Variants in ERICH6 observed in about 807,000 individuals in gnomAD.
ERICH6 encodes glutamate-rich protein 6.
In ERICH6, 71 loss-of-function variants were observed where a neutral mutation model predicts 71.0. The ratio of observed to expected loss-of-function variants is 1.00; its 90% confidence interval spans 0.83 to 1.22. The LOEUF (loss-of-function observed/expected upper bound fraction) is 1.22, where lower values mean the gene tolerates loss of function less well. Among genes scored for constraint, ERICH6 ranks in the 50% most tolerant of loss-of-function variants. The pLI, the probability that ERICH6 is intolerant of heterozygous loss-of-function variation, is 0.00. For synonymous variants in ERICH6, 262 were observed against 278.4 expected (o/e 0.94, Z 0.59); for missense variants, 808 against 797.2 (o/e 1.01, Z -0.16).
chr3:150,701,215 G>A (rs1005938420), intron 2 of ERICH6, among the ~76,000 whole-genome samples: 4 of 152,114 alleles, frequency 2.6e-5, no homozygotes, highest in Admixed American at 6.5e-5. Context: ...TTTCATTATA[G>A]TCAATAGATA....
chr3:150,664,513 TG>T (rs910273653), intron 13 of ERICH6, among the ~76,000 whole-genome samples: 17 of 151,908 alleles, frequency 1.1e-4, no homozygotes, highest in African/African-American at 3.6e-4. Context: ...CTGAGTGTGG[TG>T]GTGCACGCCT....
chr3:150,665,897 A>T (rs1727398540), intron 13 of ERICH6, among the ~76,000 whole-genome samples: 2 of 151,964 alleles, frequency 1.3e-5, no homozygotes, highest in South Asian at 4.1e-4. Context: ...TCAAAGTCAC[A>T]CACTATATGT....
intron 11 of ERICH6, among the ~76,000 whole-genome samples, chr3:150,672,627 TTTTTCTTTTTTTATTTTTCTC>T: frequency 6.7e-6 from 1 of 149,662 alleles, no homozygotes. Flanking sequence ...TATATTTTTC[TTTTTCTTTTTTTATTTTTCTC>T]TTTTCTTTTT....
At chr3:150,681,407 G>C (rs73152546) in intron 7 of ERICH6, among the ~76,000 whole-genome samples, 12 of 152,052 alleles carry the variant, frequency 7.9e-5, no homozygotes, top group Admixed American at 2.0e-4. Context: ...ATAATAGTTC[G>C]TGGTATGGAT....
intron 13 of ERICH6, among the ~76,000 whole-genome samples, chr3:150,662,348 C>G (rs750576583): frequency 1.3e-5 from 2 of 152,100 alleles, no homozygotes; most frequent in Non-Finnish European, 2.9e-5. Flanking sequence ...AAACAATGAA[C>G]AAGTTCACAA....
intron 11 of ERICH6, 41 bp from the exon 12 acceptor site, chr3:150,669,492 T>G: frequency 6.3e-7 from 1 of 1,591,676 alleles, no homozygotes; most frequent in South Asian, 1.2e-5. Context: ...CTAATGCTCC[T>G]TGACTATTCT....
Position 150,703,684 on chromosome 3 carries a change from G to C in ERICH6, c.215C>G (p.Thr72Arg). ...CTTCCAGAGGTACTCTTCGCTGAAC[G>C]TCTCAGGGGCCTCCAACTCCTGCTC... ...GEEQELEAPE[T>R]FSEEYLWKVT... Residue 72 changes from threonine (T) to arginine (R), a missense_variant, in exon 1 of 14, where the codon ACG (threonine) becomes AGG (arginine). By Grantham distance (71) the Thr-to-Arg change is moderately conservative. Transcript: ENST00000295910. 6.2e-7 allele frequency: 1 copy of C among 1,611,402 alleles called. No homozygotes were observed. Among genetic ancestry groups the C allele is most frequent in the Non-Finnish European group, 8.5e-7 (1 of 1,178,882 alleles).
chr3:150,660,241 T>A, intron 13 of ERICH6, 86 bp from the exon 14 acceptor site: 1 of 1,467,668 alleles, frequency 6.8e-7, no homozygotes, highest in East Asian at 2.3e-5. Flanking sequence ...GGCACTTATG[T>A]GGGGTTGGAT....
intron 6 of ERICH6, among the ~76,000 whole-genome samples, chr3:150,685,431 C>G (rs959065390): frequency 6.6e-6 from 1 of 152,182 alleles, no homozygotes; most frequent in African/African-American, 2.4e-5. Context: ...GCCACCACCA[C>G]AAGCTAGGAA....
chr3:150,667,615 C>T lies in ERICH6; in HGVS notation c.1500-600G>A, dbSNP rs181647493. Among the ~76,000 whole-genome samples, 28 of 152,296 alleles carry T rather than the reference C, an allele frequency of 1.8e-4. No homozygotes were observed. The East Asian group carries it at 5.2e-3, about 28-fold the overall frequency. ...GACCCACGAGGCGACCCCATCTCTT[C>T]AGACCATGAATGCCTTACATTTTAC... On this transcript the variant is annotated intron_variant, in intron 12 of 13. Transcript: ENST00000295910.
At chr3:150,699,718 A>G in intron 2 of ERICH6, among the ~76,000 whole-genome samples, 1 of 114,318 alleles carries the variant, frequency 8.7e-6, no homozygotes, top group East Asian at 2.6e-4. Flanking sequence ...TCAAAGAGAT[A>G]AAAACAAAAA....
rs537634568 is a variant in ERICH6, at chr3:150,685,668, C to T, written c.783+74G>A. The T allele has an allele frequency of 8.8e-5, 103 of 1,170,340 alleles. 1 individual carries two copies. The South Asian group carries it at 1.2e-3, about 14-fold the overall frequency. 72.5% of individuals were successfully genotyped at this position (1,170,340 alleles called of 1,614,324 possible). A position where few individuals can be genotyped will look rare whatever the true frequency, so the allele number is the denominator to read the frequency against. ...TTTCCTTTTAGAGTATTTTCACTGT[C>T]TATTGTGCAAATCATTATGTTTTCT... is the stretch of plus-strand genomic sequence containing the variant. On this transcript the variant is annotated intron_variant, in intron 6 of 13. Coordinates refer to ENST00000295910, the MANE Select transcript of ERICH6 (RefSeq NM_152394.5).
intron 7 of ERICH6, 119 bp downstream of exon 7, chr3:150,682,099 G>T: frequency 1.2e-6 from 1 of 842,582 alleles, no homozygotes; most frequent in Non-Finnish European, 1.9e-6. Flanking sequence ...ACAGGTGTGA[G>T]CCATCAAGCC....
intron 7 of ERICH6, 30 bp from the exon 8 acceptor site, chr3:150,680,960 A>G (rs1209849352): frequency 1.3e-6 from 2 of 1,577,452 alleles, no homozygotes; most frequent in Admixed American, 1.8e-5. Flanking sequence ...CTCTCATCTC[A>G]TTAGTCCTAG....
chr3:150,669,390 T>C lies in ERICH6; in HGVS notation c.1405A>G (p.Ile469Val), dbSNP rs1399156131. 6.8e-6 allele frequency: 11 copies of C among 1,613,764 alleles called. No individual in the cohort carries two copies. The highest frequency in any genetic ancestry group is 3.3e-5 in the Admixed American group (2 of 59,946). The change falls in exon 12 of 14, where the codon ATA becomes GTA. Residue 469 changes from isoleucine (I) to valine (V), a missense_variant. Transcript: ENST00000295910. Reference sequence around the variant, plus strand: ...TTAGTGGGCATATCTTCTTGGACTATACAAGTAAAACCATTTACCTTGTTG... The same window carrying C: ...TTAGTGGGCATATCTTCTTGGACTACACAAGTAAAACCATTTACCTTGTTG... ...VPNKVNGFTC[I>V]VQEDMPTNPA...
chr3:150,664,544 G>A (rs980225901), intron 13 of ERICH6, among the ~76,000 whole-genome samples: 4 of 151,916 alleles, frequency 2.6e-5, no homozygotes, highest in Non-Finnish European at 1.5e-5. Flanking sequence ...CTACTCAGGA[G>A]GCTGAGGCAT....
rs144130859 is a variant in ERICH6, at chr3:150,667,177, A to C, written c.1500-162T>G. 6.6e-5 allele frequency among the ~76,000 whole-genome samples: 10 copies of C among 152,296 alleles called. No homozygotes were observed. In the East Asian group the frequency reaches 1.9e-3, roughly 29 times the overall value. The stretch of plus-strand genomic sequence containing the variant: ...TCTTAGGAGTGATAATACTATGACT[A>C]AATTCTACACGAATCTGAAGTACTG... On this transcript the variant is annotated intron_variant, in intron 12 of 13. Coordinates refer to ENST00000295910, the MANE Select transcript of ERICH6 (RefSeq NM_152394.5).
At chr3:150,684,978 C>T (rs1375625687) in intron 6 of ERICH6, among the ~76,000 whole-genome samples, 1 of 151,766 alleles carries the variant, frequency 6.6e-6, no homozygotes, top group Non-Finnish European at 1.5e-5. Flanking sequence ...ACACTGTAGC[C>T]TGGGTGACAC....
intron 13 of ERICH6, among the ~76,000 whole-genome samples, chr3:150,661,748 G>A (rs995697744): frequency 3.3e-5 from 5 of 152,210 alleles, no homozygotes; most frequent in Non-Finnish European, 5.9e-5. Flanking sequence ...GGGCATGGTG[G>A]TGCATGCCTG....
Sources: allele counts gnomAD v4.1 joint callset (sites outside exome capture counted in the v4.1 genomes callset), GRCh38; gene constraint gnomAD v4.1.1; transcripts MANE v1.5; gene names NCBI Gene and HGNC (gene_info 2026-07-23, HGNC 2026-07-21).